The following UNC13C variants were observed in gnomAD, a reference collection of about 807,000 sequenced individuals.
The protein encoded by UNC13C is unc-13 homolog C, also known as protein unc-13 homolog C.
In UNC13C, 174 loss-of-function variants were observed where a neutral mutation model predicts 245.4. The observed-to-expected ratio is 0.71, with a 90% CI of 0.63 to 0.80. The LOEUF is 0.80. UNC13C is among the 30% of genes least tolerant of loss of function. The pLI is 0.00. For synonymous variants in UNC13C, 992 were observed against 895.1 expected (o/e 1.11, Z -1.93); for missense variants, 2,829 against 2,602.9 (o/e 1.09, Z -1.89).
At chr15:54,605,372 A>G (rs11632253) in intron 30 of UNC13C, among the ~76,000 whole-genome samples, 107,545 of 152,026 alleles carry the variant, frequency 0.71, 38,023 homozygotes, top group South Asian at 0.76. Flanking sequence ...TGCCCCTTAT[A>G]TTTCCTATCA....
chr15:53,908,556 T>A, the UNC13C span, among the ~76,000 whole-genome samples: 1 of 144,154 alleles, frequency 6.9e-6, no homozygotes, highest in Admixed American at 7.2e-5. Flanking sequence ...CTGGGCAACA[T>A]GGAAAACCTT....
chr15:54,493,953 G>A (rs186620120), intron 19 of UNC13C, among the ~76,000 whole-genome samples: 294 of 152,150 alleles, frequency 1.9e-3, no homozygotes, highest in Non-Finnish European at 3.3e-3. Context: ...AAAAGCCAAG[G>A]GGTGCAAGAT....
At chr15:53,855,506 G>A in the UNC13C span, among the ~76,000 whole-genome samples, 2 of 152,092 alleles carry the variant, frequency 1.3e-5, no homozygotes, top group Admixed American at 1.3e-4. Flanking sequence ...TAAAATGAAA[G>A]GATGTTGAGT....
At chr15:54,519,964 G>A (rs481568) in intron 24 of UNC13C, among the ~76,000 whole-genome samples, 1 of 151,908 alleles carries the variant, frequency 6.6e-6, no homozygotes, top group Admixed American at 6.6e-5. Context: ...GGAAAATGAT[G>A]TTTTAAAAAG....
intron 4 of UNC13C, among the ~76,000 whole-genome samples, chr15:54,174,996 G>A (rs969390517): frequency 1.3e-5 from 2 of 152,100 alleles, no homozygotes; most frequent in African/African-American, 4.8e-5. Context: ...GACCCCACAT[G>A]TTTCTCCTTG....
intron 1 of UNC13C, among the ~76,000 whole-genome samples, chr15:53,986,067 A>G (rs1020269336): frequency 6.6e-6 from 1 of 152,040 alleles, no homozygotes; most frequent in Non-Finnish European, 1.5e-5. Flanking sequence ...GGAATCCCCA[A>G]TGGTCTTTTT....
At chr15:54,171,059 G>A (rs1238246334) in intron 4 of UNC13C, among the ~76,000 whole-genome samples, 1 of 152,088 alleles carries the variant, frequency 6.6e-6, no homozygotes, top group African/African-American at 2.4e-5. Context: ...AATGAGTTTT[G>A]TCAAATGTAC....
intron 11 of UNC13C, among the ~76,000 whole-genome samples, chr15:54,297,580 C>T (rs1233067193): frequency 1.3e-5 from 2 of 152,112 alleles, no homozygotes; most frequent in African/African-American, 4.8e-5. Flanking sequence ...TCTCAAACTC[C>T]TAGCATTAAG....
chr15:54,396,295 C>T (rs1196270406), intron 18 of UNC13C, among the ~76,000 whole-genome samples: 1 of 151,652 alleles, frequency 6.6e-6, no homozygotes, highest in Non-Finnish European at 1.5e-5. Flanking sequence ...CATCTGCTTT[C>T]TAATACTATG....
At chr15:54,601,749 A>T (rs1352410516) in intron 30 of UNC13C, among the ~76,000 whole-genome samples, 2 of 152,064 alleles carry the variant, frequency 1.3e-5, no homozygotes, top group Non-Finnish European at 2.9e-5. Context: ...TTTTCACTAA[A>T]TTTAGCAACA....
Position 54,014,040 on chromosome 15 carries a change from G to A in UNC13C, c.1137G>A (p.Val379=), listed in dbSNP as rs754800350. Residue 379 remains valine (V), a synonymous_variant, in exon 2 of 33, where the codon GTG becomes GTA. Coordinates refer to ENST00000260323, the MANE Select transcript of UNC13C (RefSeq NM_001080534.3). ...ATGCAAAGCCTCGACCCATACTTGTGTACTTTGAAACCCCTCAACAAAGGG... is the reference window on the plus strand; with the variant it reads ...ATGCAAAGCCTCGACCCATACTTGTATACTTTGAAACCCCTCAACAAAGGG... ...CPNAKPRPIL[V]YFETPQQRDS... 8 of 1,613,804 alleles carry A rather than the reference G, an allele frequency of 5.0e-6. No homozygotes were observed. The highest frequency in any genetic ancestry group is 2.2e-5 in the South Asian group (2 of 91,072).
intron 26 of UNC13C, among the ~76,000 whole-genome samples, chr15:54,540,260 G>T (rs993945225): frequency 2.0e-5 from 3 of 152,038 alleles, no homozygotes; most frequent in African/African-American, 4.8e-5. Flanking sequence ...GGTATTTAAA[G>T]GTGGATAAAG....
At chr15:54,554,953 CT>C (rs552581946) in intron 28 of UNC13C, among the ~76,000 whole-genome samples, 1 of 151,976 alleles carries the variant, frequency 6.6e-6, no homozygotes, top group East Asian at 1.9e-4. Context: ...TTCCTTGGGG[CT>C]TTTCCCAGGA....
chr15:54,625,785 AT>A (rs1177906777), intron 32 of UNC13C, among the ~76,000 whole-genome samples: 1 of 152,122 alleles, frequency 6.6e-6, no homozygotes, highest in African/African-American at 2.4e-5. Context: ...AGCTTACAAC[AT>A]TTCACTATCT....
intron 4 of UNC13C, among the ~76,000 whole-genome samples, chr15:54,160,773 TAGAA>T (rs149684516): frequency 0.021 from 3,144 of 152,308 alleles, 98 homozygotes; most frequent in African/African-American, 0.073. Flanking sequence ...TTATGACACA[TAGAA>T]AGCAAATATT....
At chr15:53,967,831 G>A in the UNC13C span, among the ~76,000 whole-genome samples, 2 of 152,178 alleles carry the variant, frequency 1.3e-5, no homozygotes, top group Admixed American at 1.3e-4. Context: ...CATATAGATA[G>A]TAAAATATGA....
intron 30 of UNC13C, among the ~76,000 whole-genome samples, chr15:54,569,055 C>G (rs772444162): frequency 3.3e-5 from 5 of 152,160 alleles, no homozygotes; most frequent in Non-Finnish European, 7.4e-5. Context: ...TGAATGCATG[C>G]TCATGCTCCC....
intron 10 of UNC13C, among the ~76,000 whole-genome samples, chr15:54,288,991 C>T (rs1342566765): frequency 6.6e-6 from 1 of 152,070 alleles, no homozygotes; most frequent in Non-Finnish European, 1.5e-5. Flanking sequence ...ACTCGAAGAC[C>T]TCTTAAAGGA....
At position 54,520,064 on chromosome 15, in the gene UNC13C, G is replaced by A. The variant is rs145668930; in HGVS notation, c.5458-5485G>A. Among the ~76,000 whole-genome samples the A allele has an allele frequency of 4.4e-3, 667 of 152,250 alleles. 2 individuals carry two copies. The highest frequency in any genetic ancestry group is 7.4e-3 in the Non-Finnish European group (503 of 68,006). Reference sequence around the variant, plus strand: ...GGAAAGCCAGCTTGAAGGATGATACGCCAGTGTCATGATCATATTTGGGTT... The same window carrying A: ...GGAAAGCCAGCTTGAAGGATGATACACCAGTGTCATGATCATATTTGGGTT... On this transcript the variant is annotated intron_variant, in intron 24 of 32. Coordinates refer to ENST00000260323, the MANE Select transcript of UNC13C (RefSeq NM_001080534.3).
Sources: gnomAD v4.1 joint callset for allele counts (sites outside exome capture counted in the v4.1 genomes callset) on GRCh38, gnomAD v4.1.1 for gene constraint, MANE v1.5 for transcripts, NCBI Gene and HGNC (gene_info 2026-07-23, HGNC 2026-07-21) for gene names.